RAB38: variants seen among roughly 807,000 people sequenced by gnomAD.
RAB38 encodes the protein ras-related protein Rab-38.
In RAB38, 15 loss-of-function variants were observed where a neutral mutation model predicts 18.4. The ratio of observed to expected loss-of-function variants is 0.82; its 90% CI spans 0.55 to 1.26. The LOEUF is 1.26. Among genes scored for constraint, RAB38 ranks in the 50% most tolerant of loss-of-function variants. RAB38 has a pLI of 0.00. For synonymous variants in RAB38, 101 were observed against 104.4 expected (o/e 0.97, Z 0.20); for missense variants, 294 against 267.4 (o/e 1.10, Z -0.69).
At chr11:88,066,331 G>A in the RAB38 span, among the ~76,000 whole-genome samples, 4 of 152,106 alleles carry the variant, frequency 2.6e-5, no homozygotes, top group Admixed American at 2.0e-4. Context: ...GTGGTTCCAA[G>A]GATAGAATAT....
the RAB38 span, among the ~76,000 whole-genome samples, chr11:87,913,942 A>T: frequency 3.9e-4 from 58 of 150,500 alleles, no homozygotes; most frequent in African/African-American, 1.3e-3. Flanking sequence ...TGTAAGAAAT[A>T]TTTTTTTTTT....
At chr11:87,934,295 T>C in the RAB38 span, among the ~76,000 whole-genome samples, 3 of 152,222 alleles carry the variant, frequency 2.0e-5, no homozygotes, top group South Asian at 6.2e-4. Flanking sequence ...TAAGACACAA[T>C]TGAAGTTTCA....
the RAB38 span, among the ~76,000 whole-genome samples, chr11:88,044,447 T>C: frequency 6.6e-6 from 1 of 152,166 alleles, no homozygotes; most frequent in Admixed American, 6.5e-5. Flanking sequence ...TCCCTTAGCC[T>C]GTGTTCTCAA....
chr11:88,026,729 A>C, the RAB38 span, among the ~76,000 whole-genome samples: 1 of 152,238 alleles, frequency 6.6e-6, no homozygotes, highest in African/African-American at 2.4e-5. Context: ...AAGAATGACA[A>C]CTAGTAAATG....
the RAB38 span, among the ~76,000 whole-genome samples, chr11:88,026,339 G>A: frequency 1.7e-4 from 26 of 151,714 alleles, no homozygotes; most frequent in East Asian, 1.2e-3. Flanking sequence ...CGAAGCTGGC[G>A]GATCACGAGG....
the RAB38 span, among the ~76,000 whole-genome samples, chr11:87,951,660 C>T: frequency 6.6e-6 from 1 of 152,174 alleles, no homozygotes; most frequent in Non-Finnish European, 1.5e-5. Flanking sequence ...GCTAGAGGTC[C>T]ACTCCAGACC....
intron 1 of RAB38, among the ~76,000 whole-genome samples, chr11:88,160,012 A>G (rs1311838665): frequency 6.6e-6 from 1 of 152,172 alleles, no homozygotes; most frequent in African/African-American, 2.4e-5. Flanking sequence ...TCTGCACAGC[A>G]AAAGAAATTA....
chr11:87,977,852 T>TAC, the RAB38 span, among the ~76,000 whole-genome samples: 1 of 113,194 alleles, frequency 8.8e-6, no homozygotes, highest in Non-Finnish European at 1.7e-5. Flanking sequence ...TATTAATGGA[T>TAC]AGTAATATAC....
At chr11:88,055,790 T>G in the RAB38 span, among the ~76,000 whole-genome samples, 1 of 152,188 alleles carries the variant, frequency 6.6e-6, no homozygotes, top group East Asian at 1.9e-4. Flanking sequence ...CAGCAAATCT[T>G]CAGCATGAGA....
the RAB38 span, among the ~76,000 whole-genome samples, chr11:88,009,399 T>C: frequency 1.3e-5 from 2 of 152,136 alleles, no homozygotes; most frequent in Non-Finnish European, 2.9e-5. Flanking sequence ...AAGGAAAATA[T>C]CCCATCTATA....
the RAB38 span, among the ~76,000 whole-genome samples, chr11:88,012,932 G>A: frequency 1.3e-5 from 2 of 152,092 alleles, no homozygotes; most frequent in Non-Finnish European, 2.9e-5. Flanking sequence ...AAAGGACTAC[G>A]TGTACAGAAA....
At chr11:88,003,861 A>ATATATTAT in the RAB38 span, among the ~76,000 whole-genome samples, 2 of 8,980 alleles carry the variant, frequency 2.2e-4, no homozygotes, top group Non-Finnish European at 2.5e-4. Context: ...TAATTATATA[A>ATATATTAT]ATATAATTAT....
chr11:87,878,258 CTAT>C, the RAB38 span, among the ~76,000 whole-genome samples: 1 of 115,410 alleles, frequency 8.7e-6, no homozygotes, highest in Non-Finnish European at 1.7e-5. Flanking sequence ...TATCATCTAT[CTAT>C]CTATCTATCT....
chr11:88,087,354 T>C, the RAB38 span, among the ~76,000 whole-genome samples: 1 of 151,982 alleles, frequency 6.6e-6, no homozygotes. Flanking sequence ...TTAGACTGGG[T>C]AATTTATAAA....
intron 1 of RAB38, among the ~76,000 whole-genome samples, chr11:88,152,596 G>C (rs1173776722): frequency 6.6e-6 from 1 of 152,148 alleles, no homozygotes; most frequent in Non-Finnish European, 1.5e-5. Context: ...GTCACACTTA[G>C]ATCAGAGCAT....
the RAB38 span, among the ~76,000 whole-genome samples, chr11:88,026,599 G>C: frequency 7.4e-6 from 1 of 135,368 alleles, no homozygotes; most frequent in Non-Finnish European, 1.6e-5. Context: ...GAAAAGAAAT[G>C]AAACTCCTGA....
At chr11:88,053,230 AAT>A in the RAB38 span, among the ~76,000 whole-genome samples, 4 of 123,886 alleles carry the variant, frequency 3.2e-5, no homozygotes, top group Admixed American at 1.8e-4. Context: ...ATATATATGG[AAT>A]ATATATATAC....
chr11:87,839,969 A>C, the RAB38 span, among the ~76,000 whole-genome samples: 2 of 152,222 alleles, frequency 1.3e-5, no homozygotes, highest in Non-Finnish European at 2.9e-5. Context: ...AGTACAGAGG[A>C]TGAAAACAAA....
At chr11:87,952,983 AAAACATTT>A in the RAB38 span, among the ~76,000 whole-genome samples, 2 of 151,924 alleles carry the variant, frequency 1.3e-5, no homozygotes, top group Non-Finnish European at 2.9e-5. Flanking sequence ...ATTTAAACAT[AAAACATTT>A]AAAACATTAA....
Sources: allele counts gnomAD v4.1 joint callset (sites outside exome capture counted in the v4.1 genomes callset), GRCh38; gene constraint gnomAD v4.1.1; transcripts MANE v1.5; gene names NCBI Gene and HGNC (gene_info 2026-07-23, HGNC 2026-07-21).